The following PRKG1 variants were observed in gnomAD, a reference collection of about 807,000 sequenced individuals.
The protein encoded by PRKG1 is protein kinase cGMP-dependent 1.
In PRKG1, 35 loss-of-function variants were observed where a neutral mutation model predicts 88.1. That is an observed-to-expected ratio of 0.40 (90% CI 0.30 to 0.53). The LOEUF is 0.53. PRKG1 is among the 20% of genes least tolerant of loss of function. PRKG1 has a pLI of 0.59. For missense variants in PRKG1, 540 were observed against 839.8 expected, an observed-to-expected ratio of 0.64 and a Z score of 4.41; for synonymous variants, 303 against 292.5, an observed-to-expected ratio of 1.04 and a Z score of -0.37.
At chr10:51,786,148 C>A (rs927166070) in intron 3 of PRKG1, among the ~76,000 whole-genome samples, 6 of 152,056 alleles carry the variant, frequency 3.9e-5, no homozygotes, top group Admixed American at 3.3e-4. Flanking sequence ...TCAATGAAGT[C>A]AGAGAAGGTG....
intron 2 of PRKG1, among the ~76,000 whole-genome samples, chr10:51,156,181 T>G (rs1432760547): frequency 6.6e-5 from 10 of 151,852 alleles, no homozygotes; most frequent in Non-Finnish European, 1.5e-4. Flanking sequence ...ATCCCGTAGC[T>G]TAAATACTAT....
chr10:51,368,248 G>A (rs1487701186), intron 2 of PRKG1, among the ~76,000 whole-genome samples: 1 of 151,990 alleles, frequency 6.6e-6, no homozygotes, highest in Non-Finnish European at 1.5e-5. Flanking sequence ...AAAGCATGCA[G>A]TCTTCAGGTC....
At chr10:51,637,702 A>T (rs1839693581) in intron 3 of PRKG1, among the ~76,000 whole-genome samples, 1 of 152,150 alleles carries the variant, frequency 6.6e-6, no homozygotes, top group East Asian at 1.9e-4. Context: ...CTCACTTACA[A>T]GTGGGAGCTG....
At chr10:51,109,362 G>A (rs904915112) in intron 1 of PRKG1, among the ~76,000 whole-genome samples, 1 of 152,046 alleles carries the variant, frequency 6.6e-6, no homozygotes, top group Non-Finnish European at 1.5e-5. Context: ...TGTGGTGTTG[G>A]CATAAATATA....
intron 5 of PRKG1, among the ~76,000 whole-genome samples, chr10:52,019,489 T>C (rs1845127247): frequency 1.3e-5 from 2 of 152,172 alleles, no homozygotes; most frequent in Admixed American, 6.5e-5. Flanking sequence ...TCCAAGTTTT[T>C]GAAAGTAACT....
chr10:52,157,451 G>T (rs796433164), intron 8 of PRKG1, among the ~76,000 whole-genome samples: 8 of 150,690 alleles, frequency 5.3e-5, no homozygotes, highest in African/African-American at 1.7e-4. Flanking sequence ...TAATTTAAAA[G>T]ACCATTTCTG....
At chr10:51,105,688 A>T (rs74131732) in intron 1 of PRKG1, among the ~76,000 whole-genome samples, 3,835 of 151,118 alleles carry the variant, frequency 0.025, 115 homozygotes, top group East Asian at 0.078. Flanking sequence ...AGACATTAAA[A>T]TTTTTTTCCT....
chr10:51,166,248 G>A (rs903768496), intron 2 of PRKG1, among the ~76,000 whole-genome samples: 9 of 150,778 alleles, frequency 6.0e-5, no homozygotes, highest in Non-Finnish European at 1.3e-4. Context: ...AACTTGCTCC[G>A]ATATTACCAG....
At chr10:52,199,413 C>A (rs867125421) in intron 9 of PRKG1, among the ~76,000 whole-genome samples, 1 of 152,130 alleles carries the variant, frequency 6.6e-6, no homozygotes, top group African/African-American at 2.4e-5. Flanking sequence ...TCTAACCAGA[C>A]CTCCTAAATT....
chr10:51,132,956 G>T (rs1845607430), intron 1 of PRKG1, among the ~76,000 whole-genome samples: 2 of 151,988 alleles, frequency 1.3e-5, no homozygotes, highest in South Asian at 2.1e-4. Context: ...AATGCATATG[G>T]TCGAGTACTG....
At chr10:51,153,042 T>C (rs763596991) in intron 1 of PRKG1, 122 bp from the exon 2 acceptor site, 10 of 665,582 alleles carry the variant, frequency 1.5e-5, no homozygotes, top group African/African-American at 1.2e-4. Flanking sequence ...CAGAAAATTA[T>C]TGGATTCCTA....
intron 1 of PRKG1, among the ~76,000 whole-genome samples, chr10:51,042,191 T>C (rs1843433191): frequency 6.6e-6 from 1 of 152,156 alleles, no homozygotes; most frequent in African/African-American, 2.4e-5. Context: ...CTTAAAATAA[T>C]GGTGAGTAGT....
At chr10:51,598,356 C>T (rs1040599369) in intron 3 of PRKG1, among the ~76,000 whole-genome samples, 2 of 152,206 alleles carry the variant, frequency 1.3e-5, no homozygotes, top group African/African-American at 2.4e-5. Context: ...CCACTGCAAC[C>T]TCCGCCTCCC....
chr10:52,210,106 T>C (rs142368354), intron 9 of PRKG1, among the ~76,000 whole-genome samples: 200 of 152,312 alleles, frequency 1.3e-3, no homozygotes, highest in African/African-American at 4.6e-3. Flanking sequence ...ATGATGCCTA[T>C]TCTGCAATCC....
intron 10 of PRKG1, among the ~76,000 whole-genome samples, chr10:52,263,750 T>G (rs1306067681): frequency 6.3e-5 from 9 of 143,222 alleles, no homozygotes; most frequent in East Asian, 5.8e-4. Flanking sequence ...AATTTTTGTA[T>G]TTTTTGTAGA....
chr10:51,095,145 A>T (rs1005293148), intron 1 of PRKG1, among the ~76,000 whole-genome samples: 4 of 152,158 alleles, frequency 2.6e-5, no homozygotes, highest in African/African-American at 9.6e-5. Context: ...TTTATGATCT[A>T]TAGTAACATC....
At chr10:51,019,496 C>CA in intron 1 of PRKG1, among the ~76,000 whole-genome samples, 1 of 152,118 alleles carries the variant, frequency 6.6e-6, no homozygotes, top group East Asian at 1.9e-4. Flanking sequence ...AAAATTAACT[C>CA]AAAATGGATC....
chr10:51,025,882 C>T (rs1458274575), intron 1 of PRKG1, among the ~76,000 whole-genome samples: 1 of 152,068 alleles, frequency 6.6e-6, no homozygotes, highest in African/African-American at 2.4e-5. Context: ...ACCCCCAGTA[C>T]CTGAGACTGA....
intron 5 of PRKG1, among the ~76,000 whole-genome samples, chr10:52,007,955 G>T (rs1844781626): frequency 6.6e-6 from 1 of 152,038 alleles, no homozygotes; most frequent in Non-Finnish European, 1.5e-5. Flanking sequence ...AGTAAAAATT[G>T]AAATCAATAC....
Sources: allele counts gnomAD v4.1 joint callset (sites outside exome capture counted in the v4.1 genomes callset), GRCh38; gene constraint gnomAD v4.1.1; transcripts MANE v1.5; gene names NCBI Gene and HGNC (gene_info 2026-07-23, HGNC 2026-07-21).